The following ENTREP2 variants were observed in gnomAD, a reference collection of about 807,000 sequenced individuals.
ENTREP2 encodes endosomal transmembrane epsin interactor 2.
chr15:29,506,926 G>A, the ENTREP2 span, among the ~76,000 whole-genome samples: 2 of 152,144 alleles, frequency 1.3e-5, no homozygotes, highest in Admixed American at 1.3e-4. Flanking sequence ...AAATGTAAAT[G>A]GGCTGAATGC....
At chr15:29,137,680 C>CA in the ENTREP2 span, among the ~76,000 whole-genome samples, 3 of 152,170 alleles carry the variant, frequency 2.0e-5, no homozygotes, top group South Asian at 4.1e-4. Context: ...ACTAAAAATA[C>CA]AAAAAATTAG....
At chr15:29,201,546 C>G in the ENTREP2 span, among the ~76,000 whole-genome samples, 3 of 152,170 alleles carry the variant, frequency 2.0e-5, no homozygotes, top group African/African-American at 7.2e-5. Context: ...AGTTTCTCTT[C>G]TTTAGCCTGT....
At chr15:29,464,142 T>A in the ENTREP2 span, among the ~76,000 whole-genome samples, 2 of 151,742 alleles carry the variant, frequency 1.3e-5, no homozygotes, top group Admixed American at 1.3e-4. Context: ...TGCACAGCAA[T>A]GAGAATGTAC....
At chr15:29,332,942 A>G in the ENTREP2 span, among the ~76,000 whole-genome samples, 4 of 151,228 alleles carry the variant, frequency 2.6e-5, no homozygotes, top group African/African-American at 9.8e-5. Flanking sequence ...CTGGGTAACA[A>G]AAGCGAAACT....
chr15:29,434,604 A>G, the ENTREP2 span, among the ~76,000 whole-genome samples: 1 of 152,290 alleles, frequency 6.6e-6, no homozygotes, highest in Non-Finnish European at 1.5e-5. Flanking sequence ...ATGAAGGAGA[A>G]AAGAATCTCA....
At chr15:29,174,024 G>C in the ENTREP2 span, among the ~76,000 whole-genome samples, 2 of 151,288 alleles carry the variant, frequency 1.3e-5, no homozygotes, top group African/African-American at 4.9e-5. Context: ...GAAATAGCAG[G>C]CTCTATTTTA....
the ENTREP2 span, among the ~76,000 whole-genome samples, chr15:29,449,613 A>G: frequency 1.3e-5 from 2 of 152,388 alleles, no homozygotes; most frequent in South Asian, 4.1e-4. Context: ...AAGAATAAGC[A>G]GAGTAAGATG....
the ENTREP2 span, among the ~76,000 whole-genome samples, chr15:29,606,471 T>C: frequency 6.6e-5 from 10 of 152,016 alleles, no homozygotes; most frequent in African/African-American, 2.4e-4. Context: ...CCTGACCTTG[T>C]GATCCACCCG....
chr15:29,196,267 T>C, the ENTREP2 span, among the ~76,000 whole-genome samples: 5 of 152,190 alleles, frequency 3.3e-5, no homozygotes, highest in African/African-American at 1.2e-4. Flanking sequence ...AAAATCAAAA[T>C]ATATAATCCT....
At chr15:29,214,540 GGGTGGGAGGA>G in the ENTREP2 span, among the ~76,000 whole-genome samples, 1 of 152,124 alleles carries the variant, frequency 6.6e-6, no homozygotes, top group Non-Finnish European at 1.5e-5. Context: ...GCCTGTTGTG[GGGTGGGAGGA>G]GGTGGGAGGG....
the ENTREP2 span, among the ~76,000 whole-genome samples, chr15:29,231,468 AAATT>A: frequency 6.6e-6 from 1 of 152,218 alleles, no homozygotes; most frequent in African/African-American, 2.4e-5. Flanking sequence ...TATCATATGT[AAATT>A]AAGTATCAAC....
At chr15:29,154,399 C>T in the ENTREP2 span, among the ~76,000 whole-genome samples, 3 of 151,698 alleles carry the variant, frequency 2.0e-5, no homozygotes, top group African/African-American at 7.3e-5. Context: ...GGAGTTTTAA[C>T]AGTCGAAGTG....
the ENTREP2 span, among the ~76,000 whole-genome samples, chr15:29,470,691 T>C: frequency 9.5e-4 from 145 of 152,320 alleles, 1 homozygote; most frequent in African/African-American, 3.2e-3. Context: ...ATCCTGACAG[T>C]GGCCAGCTCG....
chr15:29,538,516 C>T, the ENTREP2 span, among the ~76,000 whole-genome samples: 31 of 151,774 alleles, frequency 2.0e-4, no homozygotes, highest in African/African-American at 5.8e-4. Context: ...TCTTTTGGGC[C>T]GGGCGCAGTG....
At chr15:29,369,555 A>G in the ENTREP2 span, among the ~76,000 whole-genome samples, 2 of 152,138 alleles carry the variant, frequency 1.3e-5, no homozygotes, top group Non-Finnish European at 2.9e-5. Context: ...ATCTGCCCTA[A>G]AACAAATAGT....
the ENTREP2 span, chr15:29,610,867 A>T: frequency 1.2e-4 from 16 of 136,060 alleles, no homozygotes; most frequent in African/African-American, 4.2e-4. Flanking sequence ...TTCAGTCCCC[A>T]AGTCCAAGTC....
chr15:29,292,027 T>G, the ENTREP2 span, among the ~76,000 whole-genome samples: 1 of 152,222 alleles, frequency 6.6e-6, no homozygotes, highest in Non-Finnish European at 1.5e-5. Context: ...TCCCATCTCA[T>G]GATCTGATTT....
the ENTREP2 span, among the ~76,000 whole-genome samples, chr15:29,145,694 G>T: frequency 6.8e-6 from 1 of 146,064 alleles, no homozygotes; most frequent in African/African-American, 2.6e-5. Flanking sequence ...CTGATCAACA[G>T]CATCTATGAA....
chr15:29,307,956 A>C, the ENTREP2 span, among the ~76,000 whole-genome samples: 1 of 152,226 alleles, frequency 6.6e-6, no homozygotes, highest in African/African-American at 2.4e-5. Context: ...CCTATTAATG[A>C]GTTTTTAAAA....
Sources: gnomAD v4.1 joint callset for allele counts (sites outside exome capture counted in the v4.1 genomes callset) on GRCh38, gnomAD v4.1.1 for gene constraint, MANE v1.5 for transcripts, NCBI Gene and HGNC (gene_info 2026-07-23, HGNC 2026-07-21) for gene names.